Variants in LOC128462377 observed in about 807,000 individuals in gnomAD.
At chr16:89,320,507 C>T in the LOC128462377 span, among the ~76,000 whole-genome samples, 902 of 152,300 alleles carry the variant, frequency 5.9e-3, 8 homozygotes, top group Non-Finnish European at 9.9e-3. Flanking sequence ...GAGGGGCCGG[C>T]CAGCACCTGG....
At chr16:89,405,606 T>C in the LOC128462377 span, among the ~76,000 whole-genome samples, 6 of 151,670 alleles carry the variant, frequency 4.0e-5, no homozygotes, top group Non-Finnish European at 5.9e-5. Flanking sequence ...AGTGCTGGGA[T>C]TACAGGCCTG....
the LOC128462377 span, among the ~76,000 whole-genome samples, chr16:89,357,626 C>T: frequency 1.3e-5 from 2 of 152,178 alleles, no homozygotes; most frequent in South Asian, 4.1e-4. Context: ...TGTCCCCTGG[C>T]GGATGACAGA....
At chr16:89,408,250 C>T in the LOC128462377 span, among the ~76,000 whole-genome samples, 7 of 152,262 alleles carry the variant, frequency 4.6e-5, no homozygotes, top group Admixed American at 3.3e-4. Flanking sequence ...CTCAGAAGCC[C>T]AGTTCTCCAC....
At chr16:89,328,393 G>A in the LOC128462377 span, among the ~76,000 whole-genome samples, 1 of 152,208 alleles carries the variant, frequency 6.6e-6, no homozygotes, top group African/African-American at 2.4e-5. Context: ...ACCTGTTTGC[G>A]AATGTTCACA....
At chr16:89,395,296 T>C in the LOC128462377 span, among the ~76,000 whole-genome samples, 1 of 152,226 alleles carries the variant, frequency 6.6e-6, no homozygotes, top group African/African-American at 2.4e-5. Flanking sequence ...GGCTGGACTC[T>C]TTCCAGCTCC....
the LOC128462377 span, among the ~76,000 whole-genome samples, chr16:89,349,156 A>AAAAAAAAAAAAAAAAT: frequency 6.8e-6 from 1 of 146,014 alleles, no homozygotes; most frequent in Non-Finnish European, 1.5e-5. Flanking sequence ...AAAAAAAAAA[A>AAAAAAAAAAAAAAAAT]AAAAAGAATA....
chr16:89,342,872 A>C, the LOC128462377 span, among the ~76,000 whole-genome samples: 3 of 152,220 alleles, frequency 2.0e-5, 1 homozygote, highest in South Asian at 6.2e-4. Context: ...CAACTGGCAA[A>C]GGAGTGGGAA....
the LOC128462377 span, among the ~76,000 whole-genome samples, chr16:89,372,351 G>A: frequency 6.6e-5 from 10 of 152,220 alleles, no homozygotes; most frequent in African/African-American, 2.4e-4. Flanking sequence ...AGGGCCTGCC[G>A]CCGGTGTGGA....
At chr16:89,341,840 CGG>C in the LOC128462377 span, among the ~76,000 whole-genome samples, 70 of 152,032 alleles carry the variant, frequency 4.6e-4, 1 homozygote, top group African/African-American at 1.6e-3. Flanking sequence ...CGGCCCACGG[CGG>C]GAGTGCTGCA....
chr16:89,336,691 C>T, the LOC128462377 span, among the ~76,000 whole-genome samples: 14 of 152,200 alleles, frequency 9.2e-5, no homozygotes, highest in African/African-American at 2.9e-4. Flanking sequence ...CTAGGAGACC[C>T]GGCCTGTCCT....
chr16:89,327,975 A>C, the LOC128462377 span, among the ~76,000 whole-genome samples: 5 of 152,268 alleles, frequency 3.3e-5, no homozygotes, highest in African/African-American at 1.2e-4. Flanking sequence ...AAATATCTGC[A>C]AATCACAAGT....
chr16:89,347,983 G>C, the LOC128462377 span, among the ~76,000 whole-genome samples: 2 of 152,010 alleles, frequency 1.3e-5, no homozygotes, highest in Admixed American at 1.3e-4. Context: ...ACCCAGGCTG[G>C]AGTGAAATGG....
chr16:89,330,410 C>G, the LOC128462377 span, among the ~76,000 whole-genome samples: 2 of 152,106 alleles, frequency 1.3e-5, no homozygotes, highest in African/African-American at 4.8e-5. Context: ...GCTCGCACAC[C>G]GGGAGGGCTG....
the LOC128462377 span, among the ~76,000 whole-genome samples, chr16:89,337,603 A>AT: frequency 1.3e-5 from 2 of 151,150 alleles, no homozygotes; most frequent in African/African-American, 2.4e-5. Flanking sequence ...TGCCCAGATA[A>AT]TTTTTTTGTA....
the LOC128462377 span, among the ~76,000 whole-genome samples, chr16:89,337,429 C>CT: frequency 0.44 from 22,621 of 51,598 alleles, 9,109 homozygotes; most frequent in Middle Eastern, 0.54. Flanking sequence ...CTAAGCAATT[C>CT]TTTTTTTTTT....
the LOC128462377 span, among the ~76,000 whole-genome samples, chr16:89,362,195 G>C: frequency 0.021 from 3,206 of 152,332 alleles, 127 homozygotes; most frequent in African/African-American, 0.074. Flanking sequence ...AATACCAACT[G>C]CCTTCTTCTT....
chr16:89,326,272 CAG>C, the LOC128462377 span, among the ~76,000 whole-genome samples: 1 of 152,134 alleles, frequency 6.6e-6, no homozygotes, highest in Non-Finnish European at 1.5e-5. Context: ...AAGTGACCAG[CAG>C]AGAGAAACAC....
chr16:89,324,404 T>C, the LOC128462377 span: 1 of 545,406 alleles, frequency 1.8e-6, no homozygotes, highest in Non-Finnish European at 3.2e-6. Context: ...GCTTCGTTAG[T>C]CATCAAGAAA....
chr16:89,345,059 C>T, the LOC128462377 span, among the ~76,000 whole-genome samples: 7 of 152,158 alleles, frequency 4.6e-5, no homozygotes, highest in Non-Finnish European at 7.3e-5. Flanking sequence ...AAGCCCAGCT[C>T]GGATGGTTTC....
Sources: gnomAD v4.1 joint callset for allele counts (sites outside exome capture counted in the v4.1 genomes callset) on GRCh38, gnomAD v4.1.1 for gene constraint, MANE v1.5 for transcripts.